EYA2: variants seen among roughly 807,000 people sequenced by gnomAD.
The protein encoded by EYA2 is protein phosphatase EYA2.
EYA2 carries 31 observed loss-of-function variants against 69.2 expected under a neutral mutation model. That is an observed-to-expected ratio of 0.45 (90% CI 0.34 to 0.60). EYA2 has a LOEUF of 0.60. Among genes scored for constraint, EYA2 ranks in the 20% least tolerant of loss-of-function variants. EYA2 has a pLI of 0.02. For missense variants in EYA2, 622 were observed against 701.2 expected, an observed-to-expected ratio of 0.89 and a Z score of 1.28; for synonymous variants, 257 against 279.4, an observed-to-expected ratio of 0.92 and a Z score of 0.80.
At chr20:46,966,110 C>T (rs902287190) in intron 1 of EYA2, among the ~76,000 whole-genome samples, 4 of 152,152 alleles carry the variant, frequency 2.6e-5, no homozygotes, top group African/African-American at 7.2e-5. Context: ...AGGATATGAA[C>T]GAGGCAACCT....
intron 10 of EYA2, among the ~76,000 whole-genome samples, chr20:47,155,440 C>T (rs896171753): frequency 6.6e-6 from 1 of 151,876 alleles, no homozygotes; most frequent in Non-Finnish European, 1.5e-5. Context: ...CTAGTGTGTC[C>T]TGCATGCGAC....
At chr20:47,102,683 G>A (rs1890988) in intron 9 of EYA2, among the ~76,000 whole-genome samples, 49,357 of 152,108 alleles carry the variant, frequency 0.32, 9,523 homozygotes, top group Non-Finnish European at 0.42. Flanking sequence ...GGGATGTGCT[G>A]CTTGAGGCTG....
At chr20:47,082,043 T>G (rs1410059274) in intron 7 of EYA2, among the ~76,000 whole-genome samples, 1 of 151,910 alleles carries the variant, frequency 6.6e-6, no homozygotes, top group Non-Finnish European at 1.5e-5. Flanking sequence ...TTTTACCACG[T>G]TGGTCAGGCT....
At chr20:47,072,908 C>T (rs1347357674) in intron 6 of EYA2, among the ~76,000 whole-genome samples, 1 of 152,148 alleles carries the variant, frequency 6.6e-6, no homozygotes, top group Non-Finnish European at 1.5e-5. Flanking sequence ...GAATATTTAA[C>T]ATATTTAGAT....
At chr20:47,007,848 G>A (rs1208516523) in intron 4 of EYA2, among the ~76,000 whole-genome samples, 1 of 151,878 alleles carries the variant, frequency 6.6e-6, no homozygotes, top group Non-Finnish European at 1.5e-5. Context: ...GGCTGGTCTT[G>A]AACTTCTTAC....
chr20:47,135,076 G>A (rs1042856050), intron 9 of EYA2, among the ~76,000 whole-genome samples: 18 of 138,798 alleles, frequency 1.3e-4, no homozygotes, highest in Admixed American at 4.8e-4. Context: ...GCAGTGAGCC[G>A]AGATCACGCC....
At chr20:46,909,914 C>T (rs558266436) in intron 1 of EYA2, among the ~76,000 whole-genome samples, 29 of 145,488 alleles carry the variant, frequency 2.0e-4, no homozygotes, top group African/African-American at 6.8e-4. Context: ...TACTTTTCTC[C>T]TCAAACATTC....
At chr20:46,988,570 T>C (rs1981445806) in intron 1 of EYA2, among the ~76,000 whole-genome samples, 1 of 152,246 alleles carries the variant, frequency 6.6e-6, no homozygotes, top group Admixed American at 6.5e-5. Flanking sequence ...ACAATAAATT[T>C]AGCCTTTCTC....
intron 1 of EYA2, among the ~76,000 whole-genome samples, chr20:46,964,541 G>A (rs1287888979): frequency 1.3e-5 from 2 of 152,162 alleles, no homozygotes; most frequent in Non-Finnish European, 2.9e-5. Flanking sequence ...CCCCTCCCTG[G>A]GATGACCACC....
intron 9 of EYA2, among the ~76,000 whole-genome samples, chr20:47,100,742 C>T (rs888339424): frequency 3.3e-5 from 5 of 152,258 alleles, no homozygotes; most frequent in African/African-American, 9.6e-5. Context: ...ATTCCCTCCT[C>T]CAGCTCTCGC....
intron 8 of EYA2, among the ~76,000 whole-genome samples, chr20:47,094,632 G>A (rs2032190813): frequency 6.6e-6 from 1 of 152,230 alleles, no homozygotes; most frequent in Non-Finnish European, 1.5e-5. Flanking sequence ...ATACTGGGGA[G>A]GGACATTTGC....
chr20:47,009,204 T>TAC (rs1028749216), intron 4 of EYA2, among the ~76,000 whole-genome samples: 6 of 152,080 alleles, frequency 3.9e-5, no homozygotes, highest in Non-Finnish European at 5.9e-5. Flanking sequence ...CACACACACA[T>TAC]ACACACACAC....
intron 5 of EYA2, among the ~76,000 whole-genome samples, chr20:47,050,432 C>A (rs1482789801): frequency 2.0e-5 from 3 of 152,160 alleles, no homozygotes; most frequent in Admixed American, 6.5e-5. Context: ...CTTAAAAACA[C>A]CCACTAGTGA....
chr20:47,089,103 A>G (rs2031989310), intron 7 of EYA2, 136 bp from the exon 8 acceptor site: 2 of 995,418 alleles, frequency 2.0e-6, no homozygotes, highest in African/African-American at 1.6e-5. Flanking sequence ...GGCAGTTTTC[A>G]TCCTACGAGA....
intron 5 of EYA2, among the ~76,000 whole-genome samples, chr20:47,039,126 C>G (rs1199419388): frequency 2.6e-5 from 4 of 151,904 alleles, no homozygotes; most frequent in Non-Finnish European, 5.9e-5. Flanking sequence ...CACACACACA[C>G]ACACACGCGC....
intron 1 of EYA2, among the ~76,000 whole-genome samples, chr20:46,957,544 C>G (rs1286592956): frequency 1.4e-5 from 2 of 147,814 alleles, no homozygotes; most frequent in East Asian, 4.0e-4. Flanking sequence ...CACACACACA[C>G]ACACACACAC....
intron 9 of EYA2, among the ~76,000 whole-genome samples, chr20:47,105,947 C>T (rs6066199): frequency 0.11 from 16,093 of 152,178 alleles, 1,011 homozygotes; most frequent in East Asian, 0.22. Flanking sequence ...CGTTATTGTG[C>T]AATGGGAACA....
chr20:47,028,152 C>G (rs1350954287), intron 5 of EYA2, among the ~76,000 whole-genome samples: 1 of 152,186 alleles, frequency 6.6e-6, no homozygotes, highest in African/African-American at 2.4e-5. Context: ...ACAGGCCATG[C>G]AAGGACACAG....
chr20:47,187,905 G>T (rs1281541480), intron 15 of EYA2, 148 bp from the exon 16 acceptor site: 2 of 750,444 alleles, frequency 2.7e-6, no homozygotes, highest in Admixed American at 2.1e-5. Flanking sequence ...ATGTGGGTCT[G>T]CCAGCAACAT....
Sources: allele counts gnomAD v4.1 joint callset (sites outside exome capture counted in the v4.1 genomes callset), GRCh38; gene constraint gnomAD v4.1.1; transcripts MANE v1.5; gene names NCBI Gene and HGNC (gene_info 2026-07-23, HGNC 2026-07-21).